BAG1: variants seen among roughly 807,000 people sequenced by gnomAD.
The protein encoded by BAG1 is BAG family molecular chaperone regulator 1.
A neutral mutation model predicts 35.5 loss-of-function variants in BAG1; 35 were observed. The ratio of observed to expected loss-of-function variants is 0.99; its 90% confidence interval spans 0.75 to 1.31. BAG1 has a LOEUF of 1.31. BAG1 is among the 50% of genes most tolerant of loss of function. The pLI, the probability that BAG1 is intolerant of heterozygous loss-of-function variation, is 0.00. For synonymous variants in BAG1, 191 were observed against 178.9 expected, an observed-to-expected ratio of 1.07 and a Z score of -0.54; for missense variants, 464 against 453.6, an observed-to-expected ratio of 1.02 and a Z score of -0.21.
intron 2 of BAG1, chr9:33,262,228 AT>A (rs1340128512): frequency 1.6e-6 from 2 of 1,284,128 alleles, no homozygotes; most frequent in African/African-American, 3.0e-5. Flanking sequence ...CAGGTCCTCA[AT>A]AAATATCTGT....
intron 4 of BAG1, among the ~76,000 whole-genome samples, chr9:33,258,435 A>G (rs548766302): frequency 2.0e-5 from 3 of 152,106 alleles, no homozygotes; most frequent in Non-Finnish European, 4.4e-5. Flanking sequence ...CATCTCTAAT[A>G]TAAGGAATTG....
chr9:33,262,667 A>G (rs1001647674), intron 2 of BAG1, 35 bp downstream of exon 2: 2 of 1,560,928 alleles, frequency 1.3e-6, no homozygotes, highest in Non-Finnish European at 8.6e-7. Context: ...CAAAAAAAAA[A>G]AAAGAAAAAG....
chr9:33,255,876 T>C lies in BAG1; in HGVS notation c.937A>G (p.Lys313Glu). Residue 313 changes from lysine to glutamate, a missense_variant, in exon 6 of 7, where the codon AAA (lysine) becomes GAA (glutamate). Physicochemically the swap from Lys to Glu is moderately conservative, Grantham distance 56. Coordinates refer to ENST00000634734, the MANE Select transcript of BAG1 (RefSeq NM_004323.6). ...ATTACACAACTCACCTGAACCTTTT[T>C]TACCAAGCCTTTCCTTTTCAATCTA... 6.2e-7 allele frequency: 1 copy of C among 1,614,012 alleles called. No individual in the cohort carries two copies. Among genetic ancestry groups the C allele is most frequent in the Non-Finnish European group, 8.5e-7 (1 of 1,179,870 alleles).
intron 2 of BAG1, among the ~76,000 whole-genome samples, 189 bp downstream of exon 2, chr9:33,262,513 C>T (rs1480336038): frequency 3.3e-5 from 5 of 151,940 alleles, no homozygotes; most frequent in Non-Finnish European, 7.4e-5. Context: ...AAAAATTAGC[C>T]GGGCATGGTG....
chr9:33,260,302 G>T (rs981093580), intron 3 of BAG1: 2 of 152,336 alleles, frequency 1.3e-5, no homozygotes, highest in African/African-American at 4.8e-5. Flanking sequence ...AAGAAATTTA[G>T]AATATTTCCC....
Position 33,252,560 on chromosome 9 carries a change from T to G in BAG1, c.*2659A>C, listed in dbSNP as rs1216445189. 6.7e-6 allele frequency: 1 copy of G among 149,332 alleles called. No homozygotes were observed. Among genetic ancestry groups the G allele is most frequent in the African/African-American group, 2.4e-5 (1 of 40,848 alleles). The allele number at this position is 149,332 out of a possible 1,614,324, so 9.3% of individuals were successfully genotyped here. A position where few individuals can be genotyped will look rare whatever the true frequency, so the allele number is the denominator to read the frequency against. Reference sequence around the variant, plus strand: ...TATATATGTTATATATGTTATGTTATATATATATATGTTATATATGTAATA... The same window carrying G: ...TATATATGTTATATATGTTATGTTAGATATATATATGTTATATATGTAATA... On this transcript the variant is annotated 3_prime_UTR_variant, in exon 7 of 7. Coordinates refer to ENST00000634734, the MANE Select transcript of BAG1 (RefSeq NM_004323.6).
chr9:33,262,639 A>C, intron 2 of BAG1, 63 bp downstream of exon 2: 1 of 1,465,890 alleles, frequency 6.8e-7, no homozygotes. Flanking sequence ...CCTGGGCGAC[A>C]AGAGTGAAAC....
rs1169259946 is a variant in BAG1 at position 33,264,530 on chromosome 9, C to A, written c.145G>T (p.Ala49Ser). ...TCATGCCCGCTGGCAGTACTCCGGG[C>A]AGGTGGACGCCCAGAGGGAGGCGGA... is the stretch of plus-strand genomic sequence containing the variant. Residue 49 changes from alanine to serine, a missense_variant, in exon 1 of 7, where the codon GCC becomes TCC. Transcript: ENST00000634734. 18 of 1,570,676 alleles carry A rather than the reference C, an allele frequency of 1.1e-5. No homozygotes were observed. The highest frequency in any genetic ancestry group is 1.5e-5 in the Non-Finnish European group (17 of 1,162,478).
chr9:33,258,862 G>A (rs1017356678), intron 4 of BAG1, 58 bp downstream of exon 4: 9 of 1,447,116 alleles, frequency 6.2e-6, no homozygotes, highest in Non-Finnish European at 8.7e-6. Flanking sequence ...ATAACCACAA[G>A]TTATATCCAG....
intron 3 of BAG1, 136 bp from the exon 4 acceptor site, chr9:33,259,169 T>A: frequency 1.7e-6 from 1 of 594,038 alleles, no homozygotes; most frequent in Non-Finnish European, 2.9e-6. Flanking sequence ...AAGACCAGCC[T>A]GGCCAACATG....
At chr9:33,262,884 T>C (rs1381602226) in intron 1 of BAG1, 54 bp from the exon 2 acceptor site, 3 of 1,601,626 alleles carry the variant, frequency 1.9e-6, no homozygotes, top group East Asian at 2.2e-5. Flanking sequence ...TACACCAATA[T>C]AGGATGACAC....
Position 33,259,032 on chromosome 9 carries a change from T to C in BAG1, c.665A>G (p.Asn222Ser), listed in dbSNP as rs140625706. 6.8e-6 allele frequency: 11 copies of C among 1,612,488 alleles called. No homozygotes were observed. The highest frequency in any genetic ancestry group is 1.3e-5 in the African/African-American group (1 of 74,882). Reference sequence around the variant, plus strand: ...TAGTTCAACCTCTTCCTGTGGACTGTTCTAAAATGTTTAAGAAGAAAATAA... The same window carrying C: ...TAGTTCAACCTCTTCCTGTGGACTGCTCTAAAATGTTTAAGAAGAAAATAA... The change falls in exon 4 of 7, where the codon AAC becomes AGC. Residue 222 changes from asparagine to serine, a missense_variant and splice_region_variant. Physicochemically the swap from Asn to Ser is conservative, Grantham distance 46. Coordinates refer to ENST00000634734, the MANE Select transcript of BAG1 (RefSeq NM_004323.6).
intron 2 of BAG1, chr9:33,261,921 G>A: frequency 1.0e-6 from 1 of 985,410 alleles, no homozygotes; most frequent in Non-Finnish European, 1.2e-6. Flanking sequence ...AACCTCCTTT[G>A]AGTCAGAACA....
intron 2 of BAG1, 89 bp from the exon 3 acceptor site, chr9:33,261,258 G>A (rs1188314178): frequency 1.1e-6 from 1 of 916,122 alleles, no homozygotes; most frequent in African/African-American, 1.7e-5. Flanking sequence ...AGACAAGTGT[G>A]TTCACTAATG....
At chr9:33,255,330 G>C (rs1313000504) in intron 6 of BAG1, 22 bp from the exon 7 acceptor site, 6 of 1,613,992 alleles carry the variant, frequency 3.7e-6, no homozygotes, top group East Asian at 2.2e-5. Context: ...ACACGGGGCA[G>C]TAAGGGCCCA....
At chr9:33,263,416 G>A (rs1033545141) in intron 1 of BAG1, among the ~76,000 whole-genome samples, 10 of 152,230 alleles carry the variant, frequency 6.6e-5, no homozygotes, top group African/African-American at 2.4e-4. Flanking sequence ...CATACGAACA[G>A]CAGAGCCTTT....
At chr9:33,261,615 C>T (rs1820572548) in intron 2 of BAG1, among the ~76,000 whole-genome samples, 1 of 152,038 alleles carries the variant, frequency 6.6e-6, no homozygotes, top group African/African-American at 2.4e-5. Flanking sequence ...ATGCATTCCT[C>T]TATTTTGAAA....
chr9:33,261,350 C>T (rs1820566341), intron 2 of BAG1, among the ~76,000 whole-genome samples, 181 bp from the exon 3 acceptor site: 3 of 152,156 alleles, frequency 2.0e-5, no homozygotes, highest in Admixed American at 1.3e-4. Context: ...ATTGGACATG[C>T]GACTCCACAG....
chr9:33,261,157 T>G lies in BAG1; in HGVS notation c.593A>C (p.Lys198Thr). The G allele has an allele frequency of 1.9e-6, 3 of 1,609,078 alleles. No homozygotes were observed. The highest frequency in any genetic ancestry group is 2.5e-6 in the Non-Finnish European group (3 of 1,177,984). ...TGCTGACAACGGTGTTTCCATTTCCTTCAGAGATTTTCCTAAAAAGAGGAG... is the reference window on the plus strand; with the variant it reads ...TGCTGACAACGGTGTTTCCATTTCCGTCAGAGATTTTCCTAAAAAGAGGAG... The change falls in exon 3 of 7, where the codon AAG (lysine) becomes ACG (threonine). Residue 198 changes from lysine to threonine, a missense_variant. Coordinates refer to ENST00000634734, the MANE Select transcript of BAG1 (RefSeq NM_004323.6).
Sources: gnomAD v4.1 joint callset for allele counts (sites outside exome capture counted in the v4.1 genomes callset) on GRCh38, gnomAD v4.1.1 for gene constraint, MANE v1.5 for transcripts, NCBI Gene and HGNC (gene_info 2026-07-23, HGNC 2026-07-21) for gene names.